MAML3: variants seen among roughly 807,000 people sequenced by gnomAD.
The protein encoded by MAML3 is mastermind-like protein 3.
In MAML3, 27 loss-of-function variants were observed where a neutral mutation model predicts 101.9. The ratio of observed to expected loss-of-function variants is 0.27; its 90% CI spans 0.20 to 0.37. MAML3 has a LOEUF of 0.37. Among genes scored for constraint, MAML3 ranks in the 10% least tolerant of loss-of-function variants. MAML3 has a pLI of 1.00. For synonymous variants in MAML3, 501 were observed against 555.9 expected (o/e 0.90, Z 1.39); for missense variants, 1,316 against 1,444.9 (o/e 0.91, Z 1.45).
chr4:140,153,604 A>G lies in MAML3; in HGVS notation c.-277T>C. The stretch of plus-strand genomic sequence containing the variant: ...ACACCTATCAACAAAAAGAATCACA[A>G]CAAACTGAGCCAGCAGCAAATCGGG... On this transcript the variant is annotated 5_prime_UTR_variant, in exon 1 of 5. Transcript: ENST00000509479. 2.5e-6 allele frequency: 1 copy of G among 394,470 alleles called. No homozygotes were observed. Among genetic ancestry groups the G allele is most frequent in the Non-Finnish European group, 4.5e-6 (1 of 223,380 alleles). The allele number at this position is 394,470 out of a possible 1,614,324, so 24.4% of individuals were successfully genotyped here. A position where few individuals can be genotyped will look rare whatever the true frequency, so the allele number is the denominator to read the frequency against.
intron 2 of MAML3, among the ~76,000 whole-genome samples, chr4:139,849,843 T>C (rs1731515808): frequency 6.6e-6 from 1 of 152,206 alleles, no homozygotes; most frequent in Non-Finnish European, 1.5e-5. Flanking sequence ...GAAAGGAGAT[T>C]TTTCTGTAAC....
At chr4:139,754,307 A>G (rs1483189752) in intron 2 of MAML3, among the ~76,000 whole-genome samples, 1 of 152,230 alleles carries the variant, frequency 6.6e-6, no homozygotes, top group African/African-American at 2.4e-5. Flanking sequence ...TTATAAATTT[A>G]TCCACTATGG....
At chr4:139,937,055 T>C (rs1008771866) in intron 1 of MAML3, among the ~76,000 whole-genome samples, 3 of 152,252 alleles carry the variant, frequency 2.0e-5, no homozygotes, top group African/African-American at 7.2e-5. Flanking sequence ...TAATTTTTAC[T>C]TTTGTTTTTC....
intron 1 of MAML3, among the ~76,000 whole-genome samples, chr4:140,031,221 G>A (rs1726902415): frequency 6.6e-6 from 1 of 152,138 alleles, no homozygotes; most frequent in Non-Finnish European, 1.5e-5. Context: ...TTCTTCCAAT[G>A]CTTACTCATT....
At chr4:139,984,770 A>C (rs1734507272) in intron 1 of MAML3, among the ~76,000 whole-genome samples, 1 of 152,238 alleles carries the variant, frequency 6.6e-6, no homozygotes, top group Non-Finnish European at 1.5e-5. Flanking sequence ...TGAGGCCTTC[A>C]GCTGATTGGA....
At chr4:139,797,934 T>A (rs375390386) in intron 2 of MAML3, among the ~76,000 whole-genome samples, 27 of 151,790 alleles carry the variant, frequency 1.8e-4, no homozygotes, top group East Asian at 1.4e-3. Context: ...ATTGTATATG[T>A]ATATATAAAA....
chr4:140,110,042 A>G (rs1044615225), intron 1 of MAML3, among the ~76,000 whole-genome samples: 1 of 152,216 alleles, frequency 6.6e-6, no homozygotes, highest in Non-Finnish European at 1.5e-5. Context: ...GGTGGGAGAA[A>G]GAGGAGGCTG....
At chr4:139,841,700 C>G (rs1223657144) in intron 2 of MAML3, among the ~76,000 whole-genome samples, 1 of 152,180 alleles carries the variant, frequency 6.6e-6, no homozygotes, top group Non-Finnish European at 1.5e-5. Context: ...TATCGCTGGT[C>G]CCCACAAGTC....
intron 2 of MAML3, among the ~76,000 whole-genome samples, chr4:139,880,125 A>T (rs1038938879): frequency 2.0e-4 from 30 of 151,948 alleles, no homozygotes; most frequent in Non-Finnish European, 4.0e-4. Flanking sequence ...GTGAGCCCAG[A>T]TCGTGCCACT....
intron 1 of MAML3, among the ~76,000 whole-genome samples, chr4:140,104,535 C>T (rs368313634): frequency 6.9e-6 from 1 of 144,704 alleles, no homozygotes; most frequent in Non-Finnish European, 1.5e-5. Flanking sequence ...TATACTGGCC[C>T]AATCTCAGTT....
At chr4:140,020,587 C>T (rs1357215637) in intron 1 of MAML3, among the ~76,000 whole-genome samples, 1 of 152,102 alleles carries the variant, frequency 6.6e-6, no homozygotes, top group African/African-American at 2.4e-5. Flanking sequence ...ATCAAACTCT[C>T]TTTGTTTAGG....
At position 139,720,033 on chromosome 4, in the gene MAML3, G is replaced by A. The variant is rs370038276; in HGVS notation, c.2707C>T (p.Pro903Ser). Residue 903 changes from proline to serine, a missense_variant, in exon 5 of 5, where the codon CCT becomes TCT. Pro to Ser is a moderately conservative substitution (Grantham distance 74). Transcript: ENST00000509479. Reference sequence around the variant, plus strand: ...ATTCCAACCCCCTGCCCAGAGGCAGGTTGCCTCGGTCCCTGGGCTTGGTTA... The same window carrying A: ...ATTCCAACCCCCTGCCCAGAGGCAGATTGCCTCGGTCCCTGGGCTTGGTTA... Reference protein sequence around the residue: ...THNQAQGPRQPASGQGVGMVS... With the variant: ...THNQAQGPRQSASGQGVGMVS... 201 of 1,613,954 alleles carry A rather than the reference G, an allele frequency of 1.2e-4. No homozygotes were observed. The highest frequency in any genetic ancestry group is 1.6e-4 in the Non-Finnish European group (189 of 1,179,914).
intron 1 of MAML3, among the ~76,000 whole-genome samples, chr4:140,043,019 T>G (rs542583279): frequency 2.6e-4 from 39 of 151,814 alleles, no homozygotes; most frequent in African/African-American, 8.0e-4. Context: ...CCAAATCTGA[T>G]TTTTTTTAAA....
rs768461519 is a variant in MAML3, at chr4:139,725,829, G to A, written c.2338C>T (p.Gln780Ter). The A allele has an allele frequency of 6.2e-7, 1 of 1,613,780 alleles. No individual in the cohort carries two copies. The highest frequency in any genetic ancestry group is 8.5e-7 in the Non-Finnish European group (1 of 1,179,744). Residue 780 changes from glutamine to a stop codon, truncating the protein, a stop_gained, in exon 4 of 5, where the codon CAG (glutamine) becomes TAG (stop). Coordinates refer to ENST00000509479, the MANE Select transcript of MAML3 (RefSeq NM_018717.5). LOFTEE classifies it high-confidence loss of function. ...QQQILAEQQL[Q>*]QSHLPRQHLQ... Reference sequence around the variant, plus strand: ...TGCTGCCGGGGTAGATGTGATTGCTGCAACTGCTAGAACAACAGAACACAA... The same window carrying A: ...TGCTGCCGGGGTAGATGTGATTGCTACAACTGCTAGAACAACAGAACACAA...
intron 1 of MAML3, among the ~76,000 whole-genome samples, chr4:140,101,662 G>A (rs576355474): frequency 3.9e-5 from 6 of 152,148 alleles, no homozygotes; most frequent in South Asian, 2.1e-4. Context: ...AGAAGCATAC[G>A]TGATACCTCT....
intron 2 of MAML3, among the ~76,000 whole-genome samples, chr4:139,815,047 T>C (rs1730870151): frequency 6.6e-6 from 1 of 152,208 alleles, no homozygotes; most frequent in East Asian, 1.9e-4. Flanking sequence ...GTGAGTGTAC[T>C]TGGATTTAGA....
At chr4:139,857,446 A>G (rs1460257886) in intron 2 of MAML3, among the ~76,000 whole-genome samples, 1 of 152,190 alleles carries the variant, frequency 6.6e-6, no homozygotes, top group African/African-American at 2.4e-5. Context: ...TTGGTGTATA[A>G]TAAACCAACA....
At chr4:140,004,026 G>C (rs2110848689) in intron 1 of MAML3, among the ~76,000 whole-genome samples, 1 of 152,364 alleles carries the variant, frequency 6.6e-6, no homozygotes, top group Non-Finnish European at 1.5e-5. Context: ...AAGAAAAGGA[G>C]AGAGACTGCA....
At chr4:139,883,889 CTTTTT>C (rs70943452) in intron 2 of MAML3, among the ~76,000 whole-genome samples, 60 of 74,316 alleles carry the variant, frequency 8.1e-4, no homozygotes, top group African/African-American at 3.0e-3. Flanking sequence ...AATTGCTTGT[CTTTTT>C]TTTTTTTTTT....
Sources: gnomAD v4.1 joint callset for allele counts (sites outside exome capture counted in the v4.1 genomes callset) on GRCh38, gnomAD v4.1.1 for gene constraint, MANE v1.5 for transcripts, NCBI Gene and HGNC (gene_info 2026-07-23, HGNC 2026-07-21) for gene names.